The following FRMPD4 variants were observed in gnomAD, a reference collection of about 807,000 sequenced individuals.
FRMPD4 encodes the protein FERM and PDZ domain-containing protein 4.
In FRMPD4, 22 loss-of-function variants were observed where a neutral mutation model predicts 94.1. That is an observed-to-expected ratio of 0.23 (90% CI 0.17 to 0.33). FRMPD4 has a LOEUF of 0.33. Among genes scored for constraint, FRMPD4 ranks in the 10% least tolerant of loss-of-function variants. The pLI is 1.00. For missense variants in FRMPD4, 1,111 were observed against 1,339.9 expected (o/e 0.83, Z 2.67); for synonymous variants, 631 against 548.6 (o/e 1.15, Z -2.10).
Position 12,724,093 on chromosome X carries a change from CCTGA to C in FRMPD4, c.*2239_*2242del, listed in dbSNP as rs1414286359. 1 of 111,544 alleles carries C rather than the reference CCTGA, an allele frequency of 9.0e-6. No individual in the cohort carries two copies. Among genetic ancestry groups the C allele is most frequent in the African/African-American group, 3.3e-5 (1 of 30,656 alleles). 9.2% of individuals were successfully genotyped at this position (111,544 alleles called of 1,213,427 possible). Reference sequence around the variant, plus strand: ...TGTTTGTTTTATATGCATATTGTATCCTGACTGTGTGCAGAACACATTATGTGTA... The same window carrying C: ...TGTTTGTTTTATATGCATATTGTATCCTGTGTGCAGAACACATTATGTGTA... On this transcript the variant is annotated 3_prime_UTR_variant, in exon 17 of 17. Coordinates refer to ENST00000675598, the MANE Select transcript of FRMPD4 (RefSeq NM_001368397.1).
intron 2 of FRMPD4, among the ~76,000 whole-genome samples, chrX:12,570,959 C>T (rs1411202588): frequency 8.9e-6 from 1 of 112,461 alleles, no homozygotes; most frequent in Non-Finnish European, 1.9e-5. Flanking sequence ...ATTTTCAGAA[C>T]TTGGTTAATC....
intron 1 of FRMPD4, among the ~76,000 whole-genome samples, chrX:12,199,067 T>C (rs2056598848): frequency 9.0e-6 from 1 of 111,631 alleles, no homozygotes; most frequent in South Asian, 3.8e-4. Flanking sequence ...TCAATCCTTA[T>C]AGTCAGAAAA....
chrX:12,193,442 G>A (rs1411803012), intron 1 of FRMPD4, among the ~76,000 whole-genome samples: 1 of 109,260 alleles, frequency 9.2e-6, no homozygotes, highest in Non-Finnish European at 1.9e-5. Context: ...GCCTTTTGGA[G>A]AACATAGGGC....
chrX:12,553,466 A>ATATATATCTATC (rs368999462), intron 2 of FRMPD4, among the ~76,000 whole-genome samples: 2 of 78,057 alleles, frequency 2.6e-5, no homozygotes, highest in African/African-American at 1.1e-4. Flanking sequence ...ATATATATAT[A>ATATATATCTATC]TCTAATCCAC....
intron 7 of FRMPD4, among the ~76,000 whole-genome samples, chrX:12,689,757 C>A (rs1179195001): frequency 1.8e-5 from 2 of 112,986 alleles, no homozygotes; most frequent in East Asian, 5.5e-4. Flanking sequence ...TTTACAAAAG[C>A]TGATGGTGAG....
chrX:12,394,771 A>C (rs1176263056), intron 1 of FRMPD4, among the ~76,000 whole-genome samples: 2 of 111,529 alleles, frequency 1.8e-5, no homozygotes, highest in African/African-American at 6.5e-5. Flanking sequence ...GTTGCAATGC[A>C]TTTGTTGTTT....
intron 2 of FRMPD4, among the ~76,000 whole-genome samples, chrX:12,522,264 C>G (rs1046392235): frequency 1.7e-4 from 19 of 112,052 alleles, no homozygotes; most frequent in African/African-American, 4.9e-4. Flanking sequence ...CCCCATTTGG[C>G]TCCTTGGACA....
chrX:11,911,270 T>C (rs1458132686), intron 3 of FRMPD4, among the ~76,000 whole-genome samples: 1 of 112,560 alleles, frequency 8.9e-6, no homozygotes, highest in Non-Finnish European at 1.9e-5. Context: ...TGTTTTGCCC[T>C]GTCTCAATTC....
chrX:12,103,279 G>T (rs929050328), intron 3 of FRMPD4, among the ~76,000 whole-genome samples: 8 of 112,114 alleles, frequency 7.1e-5, no homozygotes, highest in African/African-American at 1.9e-4. Flanking sequence ...ACTCCATAAA[G>T]ATGGTTATTG....
chrX:12,054,328 T>A (rs2054841446), intron 3 of FRMPD4, among the ~76,000 whole-genome samples: 1 of 111,109 alleles, frequency 9.0e-6, no homozygotes, highest in African/African-American at 3.3e-5. Flanking sequence ...AGATAATGGT[T>A]TAAAGGACAA....
chrX:12,039,750 A>G (rs1259601434), intron 3 of FRMPD4, among the ~76,000 whole-genome samples: 1 of 110,024 alleles, frequency 9.1e-6, no homozygotes, highest in Non-Finnish European at 1.9e-5. Context: ...TGGGTGGATC[A>G]CCTGAGGTAG....
chrX:11,894,115 G>A (rs952754188), intron 3 of FRMPD4, among the ~76,000 whole-genome samples: 2 of 111,738 alleles, frequency 1.8e-5, no homozygotes, highest in Non-Finnish European at 3.8e-5. Context: ...GCCTGCTTGT[G>A]ATCTTCCCTT....
chrX:12,034,646 G>A (rs2054710391), intron 3 of FRMPD4, among the ~76,000 whole-genome samples: 1 of 111,875 alleles, frequency 8.9e-6, no homozygotes. Flanking sequence ...TTCGTTTCCA[G>A]TCTTTTCGGT....
intron 3 of FRMPD4, among the ~76,000 whole-genome samples, chrX:11,889,202 C>T (rs772178297): frequency 4.5e-5 from 5 of 112,246 alleles, no homozygotes; most frequent in African/African-American, 1.3e-4. Flanking sequence ...CTTGGAATTA[C>T]GTCCCCAACT....
chrX:12,362,770 C>G (rs143476246), intron 1 of FRMPD4, among the ~76,000 whole-genome samples: 1,478 of 111,380 alleles, frequency 0.013, 23 homozygotes, highest in African/African-American at 0.045. Flanking sequence ...CGATCCTTGA[C>G]GAATCGCCAC....
At chrX:11,930,576 C>T (rs1318116510) in intron 3 of FRMPD4, among the ~76,000 whole-genome samples, 3 of 111,522 alleles carry the variant, frequency 2.7e-5, no homozygotes, top group African/African-American at 9.8e-5. Flanking sequence ...ACAGTGCAAC[C>T]TTATAGACAT....
chrX:11,995,099 C>T (rs1199778099), intron 3 of FRMPD4, among the ~76,000 whole-genome samples: 1 of 111,432 alleles, frequency 9.0e-6, no homozygotes, highest in Non-Finnish European at 1.9e-5. Flanking sequence ...GTCTTTGGGC[C>T]TTTATGTTTT....
intron 4 of FRMPD4, among the ~76,000 whole-genome samples, chrX:12,653,270 A>G (rs765095005): frequency 8.9e-6 from 1 of 112,438 alleles, no homozygotes; most frequent in East Asian, 2.8e-4. Context: ...AACCAAAGCC[A>G]ATAGAACCTT....
chrX:11,906,986 C>T, intron 3 of FRMPD4, among the ~76,000 whole-genome samples: 1 of 110,678 alleles, frequency 9.0e-6, no homozygotes, highest in Non-Finnish European at 1.9e-5. Flanking sequence ...AGTTCTGCTA[C>T]CAAGTCTGTC....
Sources: allele counts gnomAD v4.1 joint callset (sites outside exome capture counted in the v4.1 genomes callset), GRCh38; gene constraint gnomAD v4.1.1; transcripts MANE v1.5; gene names NCBI Gene and HGNC (gene_info 2026-07-23, HGNC 2026-07-21).